Variants in SEMA6D observed in about 807,000 individuals in gnomAD.
SEMA6D encodes the protein semaphorin 6D.
A neutral mutation model predicts 106.6 loss-of-function variants in SEMA6D; 35 were observed. That is an observed-to-expected ratio of 0.33 (90% CI 0.25 to 0.44). SEMA6D has a LOEUF of 0.44. Among genes scored for constraint, SEMA6D ranks in the 20% least tolerant of loss-of-function variants. The pLI is 1.00. For synonymous variants in SEMA6D, 499 were observed against 487.7 expected (o/e 1.02, Z -0.31); for missense variants, 1,185 against 1,345.9 (o/e 0.88, Z 1.87).
At chr15:47,587,784 TTTTC>T (rs1411914150) in intron 3 of SEMA6D, among the ~76,000 whole-genome samples, 3 of 49,878 alleles carry the variant, frequency 6.0e-5, no homozygotes, top group Non-Finnish European at 9.3e-5. Context: ...ATTTTTTACT[TTTTC>T]TTTCTTTTTT....
chr15:47,702,769 G>A (rs1443722995), intron 4 of SEMA6D, among the ~76,000 whole-genome samples: 1 of 152,160 alleles, frequency 6.6e-6, no homozygotes, highest in African/African-American at 2.4e-5. Flanking sequence ...ATATAAACAG[G>A]CTATGTACTG....
chr15:47,582,661 T>A (rs2076274772), intron 3 of SEMA6D, among the ~76,000 whole-genome samples: 1 of 152,102 alleles, frequency 6.6e-6, no homozygotes, highest in African/African-American at 2.4e-5. Flanking sequence ...TCCATGTCTC[T>A]TGTCTCTAGA....
At chr15:47,369,775 C>G (rs1419342506) in intron 1 of SEMA6D, among the ~76,000 whole-genome samples, 2 of 152,168 alleles carry the variant, frequency 1.3e-5, no homozygotes, top group African/African-American at 4.8e-5. Flanking sequence ...ATACCATGAT[C>G]CTGACTAGAT....
At chr15:47,261,534 A>C (rs1440269487) in intron 1 of SEMA6D, among the ~76,000 whole-genome samples, 1 of 152,144 alleles carries the variant, frequency 6.6e-6, no homozygotes, top group Non-Finnish European at 1.5e-5. Context: ...TGATATATAC[A>C]TCACCCATTT....
intron 4 of SEMA6D, among the ~76,000 whole-genome samples, chr15:47,635,066 G>A (rs942815597): frequency 1.6e-4 from 25 of 152,120 alleles, no homozygotes; most frequent in Non-Finnish European, 2.6e-4. Flanking sequence ...AGAATATGCA[G>A]GAAATAATCA....
chr15:47,585,276 T>C (rs955584956), intron 3 of SEMA6D, among the ~76,000 whole-genome samples: 10 of 152,256 alleles, frequency 6.6e-5, no homozygotes. Context: ...TTGCTTCTAG[T>C]GGTACCTAAA....
rs1253513323 is a variant in SEMA6D at position 47,323,400 on chromosome 15, CAAG to C, written c.-238-88990_-238-88988del. Among the ~76,000 whole-genome samples, 4 of 152,192 alleles carry C rather than the reference CAAG, an allele frequency of 2.6e-5. No individual in the cohort carries two copies. In the East Asian group the frequency reaches 7.7e-4, roughly 29 times the overall value. ...GTGACAGAAAGAAAGCTCTCAGCAT[CAAG>C]AAAAGACTCAAAAATAGGAAGCCAT... is the stretch of plus-strand genomic sequence containing the variant. On this transcript the variant is annotated intron_variant, in intron 1 of 19. Coordinates refer to the SEMA6D transcript ENST00000558014.
chr15:47,557,892 A>G (rs2045961320), intron 3 of SEMA6D, among the ~76,000 whole-genome samples: 11 of 152,126 alleles, frequency 7.2e-5, no homozygotes, highest in Admixed American at 7.2e-4. Context: ...TGGCAAAAGG[A>G]TTTGAATATA....
intron 4 of SEMA6D, among the ~76,000 whole-genome samples, chr15:47,610,073 T>C (rs1437396802): frequency 6.6e-6 from 1 of 152,238 alleles, no homozygotes; most frequent in African/African-American, 2.4e-5. Flanking sequence ...TGATTTCTTC[T>C]GTGGTTAAAG....
intron 1 of SEMA6D, among the ~76,000 whole-genome samples, chr15:47,252,306 A>G (rs1311599691): frequency 3.3e-5 from 5 of 152,174 alleles, no homozygotes; most frequent in African/African-American, 1.2e-4. Flanking sequence ...GCTATATAGT[A>G]TGATGTTTCA....
At chr15:47,562,814 A>G (rs1264070585) in intron 3 of SEMA6D, among the ~76,000 whole-genome samples, 1 of 152,170 alleles carries the variant, frequency 6.6e-6, no homozygotes, top group African/African-American at 2.4e-5. Context: ...AAACCCAGAA[A>G]TTTTTGTAAA....
At chr15:47,216,749 A>G (rs1466375787) in intron 1 of SEMA6D, among the ~76,000 whole-genome samples, 1 of 152,146 alleles carries the variant, frequency 6.6e-6, no homozygotes, top group Non-Finnish European at 1.5e-5. Context: ...TCAAATGACC[A>G]GTAGATATAT....
At chr15:47,301,483 C>T (rs1427202592) in intron 1 of SEMA6D, among the ~76,000 whole-genome samples, 5 of 152,242 alleles carry the variant, frequency 3.3e-5, no homozygotes, top group Non-Finnish European at 7.3e-5. Flanking sequence ...CAGGTAGCTA[C>T]TGCTCTTCCC....
chr15:47,656,645 C>T (rs979629400), intron 4 of SEMA6D, among the ~76,000 whole-genome samples: 1 of 152,156 alleles, frequency 6.6e-6, no homozygotes. Flanking sequence ...TTCTAGGAAG[C>T]CTTCAAACTT....
chr15:47,634,045 A>T (rs1386858164), intron 4 of SEMA6D, among the ~76,000 whole-genome samples: 1 of 152,160 alleles, frequency 6.6e-6, no homozygotes, highest in African/African-American at 2.4e-5. Flanking sequence ...GAGAATTTGT[A>T]ATTACTTGTT....
intron 1 of SEMA6D, among the ~76,000 whole-genome samples, chr15:47,341,595 C>T (rs1299588464): frequency 2.0e-5 from 3 of 152,064 alleles, no homozygotes; most frequent in African/African-American, 7.2e-5. Context: ...TTCTCTGTCT[C>T]TAAATTTTTC....
chr15:47,521,667 C>T (rs554686449), intron 3 of SEMA6D, among the ~76,000 whole-genome samples: 4 of 152,170 alleles, frequency 2.6e-5, no homozygotes. Flanking sequence ...AAAATCCTTC[C>T]TTTAAACTAG....
intron 3 of SEMA6D, among the ~76,000 whole-genome samples, chr15:47,482,277 A>T (rs1374421517): frequency 6.6e-6 from 1 of 152,188 alleles, no homozygotes; most frequent in Non-Finnish European, 1.5e-5. Context: ...GATAGTAAAG[A>T]GGAATGAACT....
intron 3 of SEMA6D, among the ~76,000 whole-genome samples, chr15:47,471,772 G>C (rs1034432891): frequency 5.3e-5 from 8 of 152,162 alleles, no homozygotes; most frequent in African/African-American, 1.9e-4. Context: ...CCTGGGAAGA[G>C]AGCGAGGCAT....
Sources: allele counts gnomAD v4.1 joint callset (sites outside exome capture counted in the v4.1 genomes callset), GRCh38; gene constraint gnomAD v4.1.1; transcripts MANE v1.5; gene names NCBI Gene and HGNC (gene_info 2026-07-23, HGNC 2026-07-21).